IGF2R: variants seen among roughly 807,000 people sequenced by gnomAD.
IGF2R encodes cation-independent mannose-6-phosphate receptor.
In IGF2R, 91 loss-of-function variants were observed where a neutral mutation model predicts 270.6. The observed-to-expected ratio is 0.34, with a 90% CI of 0.28 to 0.40. The LOEUF is 0.40. Ranked by LOEUF, IGF2R falls within the 10% of genes least tolerant of loss-of-function variation. The probability of loss-of-function intolerance (pLI) is 1.00; values close to 1 mark genes in which losing one functional copy is unlikely to be tolerated. For missense variants in IGF2R, 2,805 were observed against 3,188.3 expected, an observed-to-expected ratio of 0.88 and a Z score of 2.90; for synonymous variants, 1,316 against 1,258.9, an observed-to-expected ratio of 1.05 and a Z score of -0.96.
chr6:160,011,336 A>G (rs1201094414), intron 4 of IGF2R, among the ~76,000 whole-genome samples: 1 of 152,070 alleles, frequency 6.6e-6, no homozygotes, highest in African/African-American at 2.4e-5. Context: ...CAGAGACTAG[A>G]TTACTAGGTT....
intron 1 of IGF2R, among the ~76,000 whole-genome samples, chr6:159,985,072 A>G (rs975561109): frequency 3.9e-5 from 6 of 152,196 alleles, no homozygotes; most frequent in African/African-American, 1.4e-4. Flanking sequence ...TAATTTTTCT[A>G]TATGACTAGC....
chr6:160,049,428 A>T (rs565328483), intron 18 of IGF2R, among the ~76,000 whole-genome samples: 4 of 152,228 alleles, frequency 2.6e-5, no homozygotes, highest in African/African-American at 9.6e-5. Context: ...ACAGGGGGAC[A>T]CTCTGGCCTC....
At chr6:160,060,404 T>G in intron 22 of IGF2R, 143 bp from the exon 23 acceptor site, 1 of 744,000 alleles carries the variant, frequency 1.3e-6, no homozygotes, top group Non-Finnish European at 2.3e-6. Flanking sequence ...CGATACACAC[T>G]TGGTGCCCTG....
chr6:160,003,601 T>C (rs1488557410), intron 2 of IGF2R: 1 of 152,266 alleles, frequency 6.6e-6, no homozygotes, highest in Non-Finnish European at 1.5e-5. Context: ...AAATTATATG[T>C]GTACATTATA....
intron 2 of IGF2R, among the ~76,000 whole-genome samples, chr6:160,001,190 C>G (rs1433938264): frequency 6.6e-6 from 1 of 152,088 alleles, no homozygotes; most frequent in Non-Finnish European, 1.5e-5. Flanking sequence ...AGCCGCTCCC[C>G]ATTGCTTGCA....
intron 38 of IGF2R, 73 bp from the exon 39 acceptor site, chr6:160,080,056 G>A (rs1778943779): frequency 1.3e-6 from 2 of 1,548,940 alleles, no homozygotes; most frequent in Non-Finnish European, 1.8e-6. Context: ...CTTAGGGACT[G>A]CTGCTGCATT....
chr6:160,064,675 A>C, intron 28 of IGF2R, 129 bp from the exon 29 acceptor site: 2 of 1,128,878 alleles, frequency 1.8e-6, no homozygotes, highest in Non-Finnish European at 2.6e-6. Context: ...AAATATGTTG[A>C]AACTTTCATC....
At chr6:160,079,202 G>A (rs1036393968) in intron 37 of IGF2R, among the ~76,000 whole-genome samples, 19 of 152,330 alleles carry the variant, frequency 1.2e-4, no homozygotes, top group Non-Finnish European at 2.1e-4. Flanking sequence ...AGCGTGCAGC[G>A]TCGGCTCTGC....
At chr6:160,032,401 T>A (rs1047048776) in intron 7 of IGF2R, 150 bp from the exon 8 acceptor site, 2 of 618,366 alleles carry the variant, frequency 3.2e-6, no homozygotes, top group Admixed American at 3.1e-5. Flanking sequence ...ATAATCTTAA[T>A]GTGTTAGAGG....
At chr6:159,984,069 G>A (rs1415950186) in intron 1 of IGF2R, among the ~76,000 whole-genome samples, 1 of 152,164 alleles carries the variant, frequency 6.6e-6, no homozygotes, top group Non-Finnish European at 1.5e-5. Context: ...GATGTGATGT[G>A]GTCTGAATCT....
At chr6:160,068,805 G>A (rs1020064217) in intron 30 of IGF2R, among the ~76,000 whole-genome samples, 2 of 152,214 alleles carry the variant, frequency 1.3e-5, no homozygotes, top group South Asian at 4.1e-4. Flanking sequence ...GGAAGATCAA[G>A]TAGGATGGGG....
At chr6:160,059,170 CT>C in intron 22 of IGF2R, 72 bp downstream of exon 22, 1 of 1,299,324 alleles carries the variant, frequency 7.7e-7, no homozygotes, top group Admixed American at 1.8e-5. Flanking sequence ...ATGCACCTTC[CT>C]GAGTGTAGGA....
Position 160,070,000 on chromosome 6 carries a change from C to T in IGF2R, c.4385C>T (p.Pro1462Leu). The T allele has an allele frequency of 6.2e-7, 1 of 1,614,198 alleles. No homozygotes were observed. The highest frequency in any genetic ancestry group is 8.5e-7 in the Non-Finnish European group (1 of 1,180,028). ...VLKYVDGDLC[P>L]DGIRKKSTTI... Reference sequence around the variant, plus strand: ...AAATACGTTGATGGCGACTTATGTCCAGATGGGATTCGGAAAAAGTCAACC... The same window carrying T: ...AAATACGTTGATGGCGACTTATGTCTAGATGGGATTCGGAAAAAGTCAACC... The change falls in exon 31 of 48, where the codon CCA becomes CTA. Residue 1462 changes from proline (P) to leucine (L), a missense_variant. Transcript: ENST00000356956.
At chr6:160,040,331 C>T (rs890801088) in intron 10 of IGF2R, among the ~76,000 whole-genome samples, 1 of 152,156 alleles carries the variant, frequency 6.6e-6, no homozygotes, top group Admixed American at 6.5e-5. Flanking sequence ...GTCAATGTCT[C>T]CCAAGGTGAA....
intron 26 of IGF2R, among the ~76,000 whole-genome samples, chr6:160,062,950 C>A (rs549336033): frequency 7.6e-6 from 1 of 132,104 alleles, no homozygotes; most frequent in African/African-American, 2.7e-5. Context: ...GTTTGCCAGG[C>A]GATTTGTATT....
chr6:160,105,515 A>C lies in IGF2R; in HGVS notation c.*431A>C, dbSNP rs192191117. On this transcript the variant is annotated 3_prime_UTR_variant, in exon 48 of 48. Transcript: ENST00000356956. Reference sequence around the variant, plus strand: ...CAGGTTTGAGAAAAAGGAAAAAAAAACAGCCACCGTTTCTTCCTGCCAGCA... The same window carrying C: ...CAGGTTTGAGAAAAAGGAAAAAAAACCAGCCACCGTTTCTTCCTGCCAGCA... 3.2e-5 allele frequency: 5 copies of C among 157,048 alleles called. No homozygotes were observed. Among genetic ancestry groups the C allele is most frequent in the Non-Finnish European group, 5.6e-5 (4 of 70,852 alleles). 9.7% of individuals were successfully genotyped at this position (157,048 alleles called of 1,614,324 possible).
At chr6:160,057,940 G>T in intron 20 of IGF2R, 83 bp from the exon 21 acceptor site, 1 of 790,892 alleles carries the variant, frequency 1.3e-6, no homozygotes, top group Admixed American at 2.0e-5. Context: ...ATACTTGCAG[G>T]TTTCTGGAGG....
intron 2 of IGF2R, among the ~76,000 whole-genome samples, chr6:159,997,044 G>GC (rs1784063978): frequency 6.6e-6 from 1 of 152,196 alleles, no homozygotes; most frequent in African/African-American, 2.4e-5. Flanking sequence ...CCACATCCGT[G>GC]CCCAAGCACT....
Position 160,046,622 on chromosome 6 carries a change from A to G in IGF2R, c.2028A>G (p.Ser676=), listed in dbSNP as rs751432050. The G allele has an allele frequency of 1.9e-6, 3 of 1,612,564 alleles. No homozygotes were observed. Among genetic ancestry groups the G allele is most frequent in the South Asian group, 1.1e-5 (1 of 90,772 alleles). ...PVSVSPCQPD[S]GACQVAKSDE... ...CTGTGAGCCCCTGTCAGCCAGACTC[A>G]GGAGCCTGCCAGGTGGCAAAAAGGC... The change falls in exon 15 of 48, where the codon TCA becomes TCG. Residue 676 remains serine, a synonymous_variant. Transcript: ENST00000356956.
Sources: allele counts gnomAD v4.1 joint callset (sites outside exome capture counted in the v4.1 genomes callset), GRCh38; gene constraint gnomAD v4.1.1; transcripts MANE v1.5; gene names NCBI Gene and HGNC (gene_info 2026-07-23, HGNC 2026-07-21).